Variants in ANGPT1 observed in about 807,000 individuals in gnomAD.
The protein encoded by ANGPT1 is angiopoietin 1.
ANGPT1 carries 17 observed loss-of-function variants against 62.2 expected under a neutral mutation model. The ratio of observed to expected loss-of-function variants is 0.27; its 90% CI spans 0.19 to 0.41. ANGPT1 has a LOEUF of 0.41. ANGPT1 is among the 10% of genes least tolerant of loss of function. ANGPT1 has a pLI of 1.00. For synonymous variants in ANGPT1, 199 were observed against 198.9 expected, an observed-to-expected ratio of 1.00 and a Z score of 0.00; for missense variants, 478 against 594.9, an observed-to-expected ratio of 0.80 and a Z score of 2.04.
intron 4 of ANGPT1, among the ~76,000 whole-genome samples, chr8:107,311,086 GA>G (rs1370546618): frequency 5.3e-5 from 8 of 151,850 alleles, no homozygotes; most frequent in African/African-American, 1.9e-4. Flanking sequence ...TTGGATCATT[GA>G]AAGTATGTGT....
At chr8:107,383,724 A>C (rs1208670844) in intron 1 of ANGPT1, among the ~76,000 whole-genome samples, 1 of 152,162 alleles carries the variant, frequency 6.6e-6, no homozygotes, top group Admixed American at 6.6e-5. Context: ...GGGAAACTCC[A>C]GATTTTATAT....
At chr8:107,481,655 G>T (rs1357766679) in intron 1 of ANGPT1, among the ~76,000 whole-genome samples, 1 of 151,954 alleles carries the variant, frequency 6.6e-6, no homozygotes, top group East Asian at 1.9e-4. Flanking sequence ...AAGAAAAGAG[G>T]TTTAACTGAC....
intron 1 of ANGPT1, among the ~76,000 whole-genome samples, chr8:107,483,894 T>C (rs1177690714): frequency 6.6e-6 from 1 of 152,176 alleles, no homozygotes; most frequent in African/African-American, 2.4e-5. Flanking sequence ...AAAGTAAAAA[T>C]AGCAATGAAT....
intron 1 of ANGPT1, among the ~76,000 whole-genome samples, chr8:107,446,014 G>C (rs1165957859): frequency 6.6e-6 from 1 of 152,102 alleles, no homozygotes; most frequent in East Asian, 1.9e-4. Flanking sequence ...GCCTCCCGGG[G>C]TCAAGCGATT....
intron 7 of ANGPT1, among the ~76,000 whole-genome samples, chr8:107,266,388 C>A (rs10505100): frequency 0.13 from 19,661 of 152,116 alleles, 1,307 homozygotes; most frequent in East Asian, 0.25. Context: ...ATTTGCAGTC[C>A]AAGTAGGAAT....
At chr8:107,276,524 C>T (rs13270051) in intron 7 of ANGPT1, among the ~76,000 whole-genome samples, 28,545 of 151,710 alleles carry the variant, frequency 0.19, 3,192 homozygotes, top group East Asian at 0.36. Context: ...TACAAAAATG[C>T]AGGGCTTAAA....
intron 1 of ANGPT1, among the ~76,000 whole-genome samples, chr8:107,351,538 C>A (rs1815933089): frequency 6.6e-6 from 1 of 151,708 alleles, no homozygotes; most frequent in South Asian, 2.1e-4. Flanking sequence ...TCAGCTATTG[C>A]ATATTCATTA....
chr8:107,263,560 T>A (rs925263399), intron 8 of ANGPT1, among the ~76,000 whole-genome samples: 1 of 152,040 alleles, frequency 6.6e-6, no homozygotes, highest in Non-Finnish European at 1.5e-5. Flanking sequence ...ATGCATTACA[T>A]CACTGAAGAA....
At chr8:107,276,329 G>A (rs1031636214) in intron 7 of ANGPT1, among the ~76,000 whole-genome samples, 4 of 152,236 alleles carry the variant, frequency 2.6e-5, no homozygotes, top group Middle Eastern at 3.4e-3. Flanking sequence ...GAAACTGCCA[G>A]GAGATTTCCT....
At chr8:107,266,432 G>A (rs972421406) in intron 7 of ANGPT1, among the ~76,000 whole-genome samples, 4 of 152,240 alleles carry the variant, frequency 2.6e-5, no homozygotes, top group African/African-American at 7.2e-5. Context: ...TCTTCTTAGA[G>A]AGAATTTCAC....
chr8:107,381,749 G>C (rs2436560), intron 1 of ANGPT1, among the ~76,000 whole-genome samples: 1 of 152,126 alleles, frequency 6.6e-6, no homozygotes, highest in Non-Finnish European at 1.5e-5. Context: ...TATGACAACT[G>C]TATACTGGGA....
At chr8:107,255,303 C>G (rs902179913) in intron 8 of ANGPT1, among the ~76,000 whole-genome samples, 1 of 152,124 alleles carries the variant, frequency 6.6e-6, no homozygotes, top group African/African-American at 2.4e-5. Context: ...AGTCTGTACT[C>G]TGGAAGACCA....
At chr8:107,465,782 C>G (rs1449464123) in intron 1 of ANGPT1, among the ~76,000 whole-genome samples, 2 of 152,164 alleles carry the variant, frequency 1.3e-5, no homozygotes, top group African/African-American at 4.8e-5. Flanking sequence ...TAACAGGTAG[C>G]ATTTCAAATA....
intron 1 of ANGPT1, among the ~76,000 whole-genome samples, chr8:107,472,008 T>C (rs1812372056): frequency 6.6e-6 from 1 of 152,112 alleles, no homozygotes; most frequent in African/African-American, 2.4e-5. Flanking sequence ...TATGTCTCTT[T>C]AGGCTCCTCT....
At chr8:107,458,748 C>T (rs1410312391) in intron 1 of ANGPT1, among the ~76,000 whole-genome samples, 1 of 152,136 alleles carries the variant, frequency 6.6e-6, no homozygotes, top group Non-Finnish European at 1.5e-5. Flanking sequence ...TGAACATGAG[C>T]CCAGGAGGTC....
chr8:107,425,295 T>C (rs1380450070), intron 1 of ANGPT1, among the ~76,000 whole-genome samples: 1 of 152,214 alleles, frequency 6.6e-6, no homozygotes, highest in East Asian at 1.9e-4. Flanking sequence ...CATACGCTAC[T>C]ATGGGAGGTT....
At chr8:107,312,640 A>G (rs192421740) in intron 4 of ANGPT1, among the ~76,000 whole-genome samples, 1 of 152,334 alleles carries the variant, frequency 6.6e-6, no homozygotes, top group Admixed American at 6.5e-5. Flanking sequence ...CCCTGGCTCT[A>G]CATGGGCTTC....
chr8:107,322,249 T>G, intron 3 of ANGPT1, 121 bp from the exon 4 acceptor site: 1 of 712,400 alleles, frequency 1.4e-6, no homozygotes, highest in Non-Finnish European at 2.3e-6. Context: ...TGTAAAAATA[T>G]TTTTAAGTGA....
chr8:107,296,807 T>A (rs2130193536), intron 5 of ANGPT1, among the ~76,000 whole-genome samples: 1 of 152,222 alleles, frequency 6.6e-6, no homozygotes, highest in Admixed American at 6.6e-5. Flanking sequence ...TTTGCCAAGT[T>A]GTGTTTGCAA....
Sources: gnomAD v4.1 joint callset for allele counts (sites outside exome capture counted in the v4.1 genomes callset) on GRCh38, gnomAD v4.1.1 for gene constraint, MANE v1.5 for transcripts, NCBI Gene and HGNC (gene_info 2026-07-23, HGNC 2026-07-21) for gene names.